The following CAMSAP3 variants were observed in gnomAD, a reference collection of about 807,000 sequenced individuals.
CAMSAP3 encodes calmodulin regulated spectrin associated protein family member 3, also known as calmodulin-regulated spectrin-associated protein 3.
CAMSAP3 carries 34 observed loss-of-function variants against 112.5 expected under a neutral mutation model. That is an observed-to-expected ratio of 0.30 (90% CI 0.23 to 0.40). CAMSAP3 has a LOEUF of 0.40. CAMSAP3 is among the 10% of genes least tolerant of loss of function. CAMSAP3 has a pLI of 1.00. For missense variants in CAMSAP3, 1,602 were observed against 1,770.3 expected (o/e 0.90, Z 1.71); for synonymous variants, 868 against 799.8 (o/e 1.09, Z -1.44).
Position 7,612,255 on chromosome 19 carries a change from T to A in CAMSAP3, c.1762T>A (p.Ser588Thr). The change falls in exon 11 of 17, where the codon TCC (serine) becomes ACC (threonine). Residue 588 changes from serine (S) to threonine (T), a missense_variant. Around this residue, in one of 6 missense-constraint regions of CAMSAP3, gnomAD observed 1,100 missense variants for 1,135.7 expected, o/e 0.97. Transcript: ENST00000160298. ...EAEAGAGSPT[S>T]TPAPPEALSS... ...TGAGGCCGGAGCGGGGTCCCCCACG[T>A]CCACTCCGGCCCCGCCGGAGGCCCT... The A allele has an allele frequency of 6.3e-7, 1 of 1,591,692 alleles. No homozygotes were observed. The highest frequency in any genetic ancestry group is 8.5e-7 in the Non-Finnish European group (1 of 1,170,088).
At chr19:7,596,373 T>A (rs1168595696) in intron 1 of CAMSAP3, among the ~76,000 whole-genome samples, 1 of 148,762 alleles carries the variant, frequency 6.7e-6, no homozygotes, top group African/African-American at 2.5e-5. Flanking sequence ...GCGGTGGGGG[T>A]GGGGCCCGCG....
Position 7,615,792 on chromosome 19 carries a change from A to AG in CAMSAP3, c.3112+79dup, listed in dbSNP as rs1459184433. 132 of 202,334 alleles carry AG rather than the reference A, an allele frequency of 6.5e-4. 2 individuals are homozygous for AG. In the Admixed American group the frequency reaches 0.037, roughly 57 times the overall value. 12.5% of individuals were successfully genotyped at this position (202,334 alleles called of 1,614,324 possible). On this transcript the variant is annotated intron_variant, in intron 13 of 16. Coordinates refer to ENST00000160298, the MANE Select transcript of CAMSAP3 (RefSeq NM_020902.2). The surrounding 1 kb of genome is among the most constrained non-coding windows in gnomAD (Gnocchi z 6.5). Reference sequence around the variant, plus strand: ...TCACTGGGTGAGGCCCCCATGGGTAAGGGGGGAGGGGGAGGGAGATGTAAG... The same window carrying AG: ...TCACTGGGTGAGGCCCCCATGGGTAAGGGGGGGAGGGGGAGGGAGATGTAAG...
chr19:7,608,722 C>T (rs981205377), intron 5 of CAMSAP3, among the ~76,000 whole-genome samples: 3 of 151,354 alleles, frequency 2.0e-5, no homozygotes, highest in Non-Finnish European at 2.9e-5. Context: ...GCAACCTCCA[C>T]CTCCCAGGTT....
intron 1 of CAMSAP3, among the ~76,000 whole-genome samples, chr19:7,602,612 G>C (rs1296451496): frequency 6.6e-6 from 1 of 152,090 alleles, no homozygotes; most frequent in African/African-American, 2.4e-5. Flanking sequence ...TGCCTTGGGG[G>C]CAGGGAGGAG....
In CAMSAP3 at chr19:7,615,423, C is replaced by T. The variant is rs575974357; in HGVS notation, c.2816C>T (p.Ala939Val). Residue 939 changes from alanine to valine, a missense_variant, in exon 13 of 17, where the codon GCC becomes GTC. Physicochemically the swap from Ala to Val is moderately conservative, Grantham distance 64. Coordinates refer to ENST00000160298, the MANE Select transcript of CAMSAP3 (RefSeq NM_020902.2). This position sits in a 1 kb window ranked among gnomAD's most constrained non-coding sequence, Gnocchi z 6.5. ...EQRREEAARL[A>V]QEEAPGPAPL... The stretch of plus-strand genomic sequence containing the variant: ...CGATTCCCTGTGATCTGCAGGCTGG[C>T]CCAAGAGGAGGCCCCGGGCCCAGCC... The T allele has an allele frequency of 1.9e-6, 3 of 1,540,766 alleles. No homozygotes were observed. The highest frequency in any genetic ancestry group is 1.4e-5 in the African/African-American group (1 of 73,084).
chr19:7,615,378 C>T lies in CAMSAP3; in HGVS notation c.2811-40C>T. ...CCTTGGCCTGTCTGCCACCGCGGAC[C>T]CCGTGAGCGGTTCTGATGCCGATTC... On this transcript the variant is annotated intron_variant, in intron 12 of 16. Transcript: ENST00000160298. This position sits in a 1 kb window ranked among gnomAD's most constrained non-coding sequence, Gnocchi z 6.5. The T allele has an allele frequency of 1.3e-6, 2 of 1,535,402 alleles. No individual in the cohort carries two copies. The highest frequency in any genetic ancestry group is 1.8e-6 in the Non-Finnish European group (2 of 1,139,710).
Position 7,616,605 on chromosome 19 carries a change from G to C in CAMSAP3, c.3195G>C (p.Val1065=). The C allele has an allele frequency of 6.2e-7, 1 of 1,609,196 alleles. No individual in the cohort carries two copies. Among genetic ancestry groups the C allele is most frequent in the South Asian group, 1.1e-5 (1 of 91,054 alleles). ...ACGAGGCCCACAATAACCTCGGGGT[G>C]AAGAGGCCCACGTCTCGGTGAGTTT... is the stretch of plus-strand genomic sequence containing the variant. ...VANEAHNNLG[V]KRPTSRAPSP... Residue 1065 remains valine, a synonymous_variant, in exon 14 of 17, where the codon GTG becomes GTC. Coordinates refer to ENST00000160298, the MANE Select transcript of CAMSAP3 (RefSeq NM_020902.2).
At chr19:7,598,000 C>G (rs2024473412) in intron 1 of CAMSAP3, among the ~76,000 whole-genome samples, 1 of 152,104 alleles carries the variant, frequency 6.6e-6, no homozygotes, top group South Asian at 2.1e-4. Context: ...GAAATGGGAG[C>G]AGAGTTCTAC....
chr19:7,612,617 C>A lies in CAMSAP3; in HGVS notation c.2124C>A (p.Ala708=). ...EYNRAVSKLS[A]ALSSLQRDMQ... ...ATCGAGCGGTCAGCAAGCTGAGTGC[C>A]GCCTTGAGCTCGCTGCAGCGGGACA... Residue 708 remains alanine (A), a synonymous_variant, in exon 11 of 17, where the codon GCC becomes GCA. Transcript: ENST00000160298. The A allele has an allele frequency of 6.5e-7, 1 of 1,528,200 alleles. No homozygotes were observed. Among genetic ancestry groups the A allele is most frequent in the Non-Finnish European group, 8.8e-7 (1 of 1,140,916 alleles). The allele number at this position is 1,528,200 out of a possible 1,614,324, so 94.7% of individuals were successfully genotyped here.
chr19:7,609,848 G>A (rs976808818), intron 5 of CAMSAP3, among the ~76,000 whole-genome samples: 30 of 152,164 alleles, frequency 2.0e-4, no homozygotes, highest in Middle Eastern at 3.4e-3. Context: ...TAGGGTTCGC[G>A]CTCCTGTAAG....
Position 7,612,265 on chromosome 19 carries a change from C to T in CAMSAP3, c.1772C>T (p.Ala591Val), listed in dbSNP as rs199718809. 9.4e-6 allele frequency: 15 copies of T among 1,593,264 alleles called. No homozygotes were observed. The African/African-American group carries it at 1.7e-4, about 19-fold the overall frequency. The change falls in exon 11 of 17, where the codon GCC becomes GTC. Residue 591 changes from alanine to valine, a missense_variant. By Grantham distance (64) the Ala-to-Val change is moderately conservative. Around this residue, in one of 6 missense-constraint regions of CAMSAP3, gnomAD observed 1,100 missense variants for 1,135.7 expected, o/e 0.97. Coordinates refer to ENST00000160298, the MANE Select transcript of CAMSAP3 (RefSeq NM_020902.2). ...GCGGGGTCCCCCACGTCCACTCCGG[C>T]CCCGCCGGAGGCCCTGAGCTCGGAG... is the stretch of plus-strand genomic sequence containing the variant. Reference protein sequence around the residue: ...AGAGSPTSTPAPPEALSSEMS... With the variant: ...AGAGSPTSTPVPPEALSSEMS...
chr19:7,596,612 T>G (rs1201232142), intron 1 of CAMSAP3, among the ~76,000 whole-genome samples: 1 of 152,026 alleles, frequency 6.6e-6, no homozygotes, highest in Non-Finnish European at 1.5e-5. Flanking sequence ...CCGACCTCGC[T>G]GGGGGGTCTC....
At chr19:7,596,304 G>T (rs2024439635) in intron 1 of CAMSAP3, among the ~76,000 whole-genome samples, 154 bp downstream of exon 1, 2 of 150,120 alleles carry the variant, frequency 1.3e-5, no homozygotes, top group Non-Finnish European at 3.0e-5. Flanking sequence ...GCCGCGCCGG[G>T]GCCTCCGAGC....
rs911673961 is a variant in CAMSAP3, at chr19:7,613,031, C to G, written c.2538C>G (p.Ile846Met). Residue 846 changes from isoleucine to methionine, a missense_variant, in exon 11 of 17, where the codon ATC (isoleucine) becomes ATG (methionine). Physicochemically the swap from Ile to Met is conservative, Grantham distance 10. Transcript: ENST00000160298. ...CCGCCCGGCCGGGCCTCATCGAGAT[C>G]CCGCTGGGCAGCCTGGCAGATCCCG... is the stretch of plus-strand genomic sequence containing the variant. ...EPAARPGLIEIPLGSLADPAA... is the reference protein window; with the variant it reads ...EPAARPGLIEMPLGSLADPAA... 3 of 1,555,140 alleles carry G rather than the reference C, an allele frequency of 1.9e-6. No individual in the cohort carries two copies. The highest frequency in any genetic ancestry group is 4.9e-5 in the East Asian group (2 of 40,972).
chr19:7,596,761 G>A (rs2024452141), intron 1 of CAMSAP3, among the ~76,000 whole-genome samples: 1 of 152,172 alleles, frequency 6.6e-6, no homozygotes, highest in African/African-American at 2.4e-5. Flanking sequence ...GCGCCTGGCA[G>A]CTGCGACTTA....
rs1225587261 is a variant in CAMSAP3 at position 7,617,807 on chromosome 19, G to A, written c.3500G>A (p.Cys1167Tyr). ...CTGATCCTCTTTCGCGACTCGAGCT[G>A]CCAGTTCCGGGCGCTCTACACGCTG... ...HFLILFRDSS[C>Y]QFRALYTLSG... Residue 1167 changes from cysteine (C) to tyrosine (Y), a missense_variant, in exon 17 of 17, where the codon TGC (cysteine) becomes TAC (tyrosine). Physicochemically the swap from Cys to Tyr is radical, Grantham distance 194. Around this residue, in one of 6 missense-constraint regions of CAMSAP3, gnomAD observed 150 missense variants for 207.6 expected, o/e 0.72. Transcript: ENST00000160298. This position sits in a 1 kb window ranked among gnomAD's most constrained non-coding sequence, Gnocchi z 7.5. The A allele has an allele frequency of 1.2e-6, 2 of 1,613,468 alleles. No individual in the cohort carries two copies. Among genetic ancestry groups the A allele is most frequent in the East Asian group, 2.2e-5 (1 of 44,876 alleles).
rs1333867317 is a variant in CAMSAP3 at position 7,612,598 on chromosome 19, C to T, written c.2105C>T (p.Ala702Val). The T allele has an allele frequency of 2.5e-5, 39 of 1,531,820 alleles. 1 individual carries two copies. The highest frequency in any genetic ancestry group is 1.7e-4 in the Middle Eastern group (1 of 5,992). 94.9% of individuals were successfully genotyped at this position (1,531,820 alleles called of 1,614,324 possible). ...GAGGGGCTGGGGGAATACAATCGAG[C>T]GGTCAGCAAGCTGAGTGCCGCCTTG... Reference protein sequence around the residue: ...PHEGLGEYNRAVSKLSAALSS... With the variant: ...PHEGLGEYNRVVSKLSAALSS... Residue 702 changes from alanine to valine, a missense_variant, in exon 11 of 17, where the codon GCG becomes GTG. Transcript: ENST00000160298.
chr19:7,598,737 A>G (rs746791551), intron 1 of CAMSAP3, among the ~76,000 whole-genome samples: 2 of 151,970 alleles, frequency 1.3e-5, no homozygotes, highest in Non-Finnish European at 1.5e-5. Flanking sequence ...CAGTGAGCCG[A>G]GATTGCACCA....
Position 7,615,753 on chromosome 19 carries a change from G to T in CAMSAP3, c.3112+34G>T. 1.7e-6 allele frequency: 2 copies of T among 1,193,432 alleles called. No homozygotes were observed. The highest frequency in any genetic ancestry group is 2.1e-6 in the Non-Finnish European group (2 of 958,480). The allele number at this position is 1,193,432 out of a possible 1,614,324, so 73.9% of individuals were successfully genotyped here. On this transcript the variant is annotated intron_variant, in intron 13 of 16. Coordinates refer to ENST00000160298, the MANE Select transcript of CAMSAP3 (RefSeq NM_020902.2). The surrounding 1 kb of genome is among the most constrained non-coding windows in gnomAD (Gnocchi z 6.5). Reference sequence around the variant, plus strand: ...CCTTGGGGGACGGGGCCTGCCCAGTGCCCTTTCCGGGGCTCACTGGGTGAG... The same window carrying T: ...CCTTGGGGGACGGGGCCTGCCCAGTTCCCTTTCCGGGGCTCACTGGGTGAG...
Sources: allele counts gnomAD v4.1 joint callset (sites outside exome capture counted in the v4.1 genomes callset), GRCh38; gene constraint gnomAD v4.1.1; regional missense constraint gnomAD v4.1.1; non-coding constraint Gnocchi (gnomAD v3.1); transcripts MANE v1.5; gene names NCBI Gene and HGNC (gene_info 2026-07-23, HGNC 2026-07-21).